The following RAD54B variants were observed in gnomAD, a reference collection of about 807,000 sequenced individuals.
RAD54B encodes RAD54 homolog B.
RAD54B carries 78 observed loss-of-function variants against 95.8 expected under a neutral mutation model. The ratio of observed to expected loss-of-function variants is 0.81; its 90% CI spans 0.68 to 0.98. RAD54B has a LOEUF of 0.98. Among genes scored for constraint, RAD54B ranks in the 50% least tolerant of loss-of-function variants. The pLI is 0.00. For missense variants in RAD54B, 957 were observed against 1,056.6 expected (o/e 0.91, Z 1.31); for synonymous variants, 328 against 354.9 (o/e 0.92, Z 0.85).
At chr8:94,431,557 T>C (rs1420490436) in intron 3 of RAD54B, 2 of 952,640 alleles carry the variant, frequency 2.1e-6, no homozygotes, top group African/African-American at 3.5e-5. Context: ...CATAAATAGC[T>C]TTGTTACCCT....
chr8:94,429,537 G>A, intron 3 of RAD54B: 1 of 984,282 alleles, frequency 1.0e-6, no homozygotes, highest in Non-Finnish European at 1.2e-6. Context: ...TGCTGAAACT[G>A]TAAAGTGAAT....
chr8:94,406,511 T>C (rs2130026165), intron 5 of RAD54B, among the ~76,000 whole-genome samples: 1 of 152,316 alleles, frequency 6.6e-6, no homozygotes, highest in South Asian at 2.1e-4. Context: ...GAACTCAGAA[T>C]TTTTAATTGT....
chr8:94,431,367 A>T (rs759204692), intron 3 of RAD54B: 27 of 984,610 alleles, frequency 2.7e-5, no homozygotes, highest in Admixed American at 6.1e-5. Context: ...ATAGAGAGAG[A>T]ATGGGGGTAA....
intron 14 of RAD54B, among the ~76,000 whole-genome samples, chr8:94,376,822 T>C (rs1810587050): frequency 6.7e-6 from 1 of 150,322 alleles, no homozygotes; most frequent in South Asian, 2.1e-4. Flanking sequence ...CTAATAAGCT[T>C]CTATTGTACC....
intron 8 of RAD54B, among the ~76,000 whole-genome samples, chr8:94,396,189 T>G (rs1383421232): frequency 6.6e-6 from 1 of 152,104 alleles, no homozygotes; most frequent in Non-Finnish European, 1.5e-5. Context: ...CATTGCTTTC[T>G]AGTGGTAATT....
Position 94,430,255 on chromosome 8 carries a change from G to C in RAD54B, c.305-18940C>G, listed in dbSNP as rs548231266. On this transcript the variant is annotated intron_variant, in intron 3 of 14. Transcript: ENST00000336148. ...GAACCCAGGAAACGGAGATTGCAGT[G>C]AGCCAACATCGCACCACTGCACTCC... 2.5e-4 allele frequency: 204 copies of C among 830,504 alleles called. 1 individual carries two copies. In the African/African-American group the frequency reaches 3.5e-3, roughly 14 times the overall value. 51.4% of individuals were successfully genotyped at this position (830,504 alleles called of 1,614,324 possible). A position where few individuals can be genotyped will look rare whatever the true frequency, so the allele number is the denominator to read the frequency against.
chr8:94,437,123 T>C (rs181159212), intron 3 of RAD54B, among the ~76,000 whole-genome samples: 1 of 152,296 alleles, frequency 6.6e-6, no homozygotes, highest in East Asian at 1.9e-4. Context: ...AACACACTTG[T>C]GTATAAAGGG....
intron 6 of RAD54B, among the ~76,000 whole-genome samples, chr8:94,401,292 T>C (rs1003609861): frequency 6.6e-6 from 1 of 152,162 alleles, no homozygotes; most frequent in South Asian, 2.1e-4. Flanking sequence ...CTCCTCCACC[T>C]CTTCCGCCAC....
intron 2 of RAD54B, among the ~76,000 whole-genome samples, chr8:94,466,108 A>G (rs1324075993): frequency 2.0e-5 from 3 of 152,204 alleles, no homozygotes; most frequent in Non-Finnish European, 4.4e-5. Context: ...CAACAGTGTG[A>G]AAGTCATTAA....
intron 3 of RAD54B, chr8:94,431,516 A>T: frequency 3.1e-6 from 3 of 979,656 alleles, no homozygotes; most frequent in Non-Finnish European, 3.6e-6. Context: ...AAATTACACA[A>T]AGAAAAACTA....
chr8:94,451,954 A>C (rs963711257), intron 3 of RAD54B, among the ~76,000 whole-genome samples: 3 of 152,238 alleles, frequency 2.0e-5, no homozygotes, highest in Non-Finnish European at 4.4e-5. Context: ...AAATACCATA[A>C]ACTGGGTAGC....
At chr8:94,415,619 C>G (rs1433829420) in intron 3 of RAD54B, among the ~76,000 whole-genome samples, 1 of 140,112 alleles carries the variant, frequency 7.1e-6, no homozygotes, top group Non-Finnish European at 1.6e-5. Context: ...ACCTACTCAT[C>G]TGACAAAGGG....
At chr8:94,415,812 A>C (rs1202959561) in intron 3 of RAD54B, among the ~76,000 whole-genome samples, 1 of 148,312 alleles carries the variant, frequency 6.7e-6, no homozygotes, top group Non-Finnish European at 1.5e-5. Context: ...TCAAAACCAC[A>C]AGGAGATACC....
chr8:94,432,344 T>C (rs1812121599), intron 3 of RAD54B: 12 of 1,550,404 alleles, frequency 7.7e-6, no homozygotes, highest in Non-Finnish European at 9.6e-6. Context: ...GATCATACCC[T>C]AATAGTGACC....
chr8:94,467,555 C>T lies in RAD54B; in HGVS notation c.-16G>A. On this transcript the variant is annotated splice_region_variant and 5_prime_UTR_variant, in exon 2 of 15. Coordinates refer to ENST00000336148, the MANE Select transcript of RAD54B (RefSeq NM_012415.3). ...ATCGTCTCATATTCAGCAGTCGTGA[C>T]CTGAAAAATACCCAAAACAGTTAAC... is the stretch of plus-strand genomic sequence containing the variant. 1.2e-6 allele frequency: 2 copies of T among 1,602,060 alleles called. No homozygotes were observed. Among genetic ancestry groups the T allele is most frequent in the Non-Finnish European group, 1.7e-6 (2 of 1,177,056 alleles).
At chr8:94,399,976 G>A (rs527800854) in intron 7 of RAD54B, among the ~76,000 whole-genome samples, 10 of 150,956 alleles carry the variant, frequency 6.6e-5, no homozygotes, top group African/African-American at 9.7e-5. Context: ...ATCTCATCAC[G>A]TGGCTCTACC....
chr8:94,474,278 G>A (rs924352501), intron 1 of RAD54B, among the ~76,000 whole-genome samples: 1 of 152,162 alleles, frequency 6.6e-6, no homozygotes, highest in Non-Finnish European at 1.5e-5. Flanking sequence ...CTACCTGGGT[G>A]ACAGGATCAA....
chr8:94,441,434 G>A (rs1024093997), intron 3 of RAD54B, among the ~76,000 whole-genome samples: 5 of 152,072 alleles, frequency 3.3e-5, no homozygotes, highest in African/African-American at 4.8e-5. Flanking sequence ...CCAGAAACAC[G>A]CTTACCAGTT....
At chr8:94,429,308 G>T (rs1434863221) in intron 3 of RAD54B, 2 of 436,482 alleles carry the variant, frequency 4.6e-6, no homozygotes, top group Admixed American at 6.4e-5. Context: ...GAATTTTCAA[G>T]GGCTATTTTG....
Sources: gnomAD v4.1 joint callset for allele counts (sites outside exome capture counted in the v4.1 genomes callset) on GRCh38, gnomAD v4.1.1 for gene constraint, MANE v1.5 for transcripts, NCBI Gene and HGNC (gene_info 2026-07-23, HGNC 2026-07-21) for gene names.